SLC9C1: variants seen among roughly 807,000 people sequenced by gnomAD.
SLC9C1 encodes the protein solute carrier family 9 member C1.
Under a neutral mutation model 140.9 loss-of-function variants are expected in SLC9C1, and 97 were observed. The observed-to-expected ratio is 0.69, with a 90% CI of 0.58 to 0.82. The LOEUF (loss-of-function observed/expected upper bound fraction) is 0.82, where lower values mean the gene tolerates loss of function less well. Ranked by LOEUF, SLC9C1 falls within the 40% of genes least tolerant of loss-of-function variation. SLC9C1 has a pLI of 0.00. For missense variants in SLC9C1, 1,340 were observed against 1,389.3 expected (o/e 0.96, Z 0.56); for synonymous variants, 440 against 442.6 (o/e 0.99, Z 0.07).
At chr3:112,171,921 G>A (rs2077254715) in intron 23 of SLC9C1, among the ~76,000 whole-genome samples, 1 of 152,172 alleles carries the variant, frequency 6.6e-6, no homozygotes, top group Non-Finnish European at 1.5e-5. Flanking sequence ...GACTATGTAT[G>A]TGTGGATTTA....
intron 28 of SLC9C1, 40 bp from the exon 29 acceptor site, chr3:112,141,321 T>C: frequency 6.4e-7 from 1 of 1,563,150 alleles, no homozygotes; most frequent in Non-Finnish European, 8.6e-7. Flanking sequence ...CATAGAGGGC[T>C]TTTGAATCTT....
Position 112,232,151 on chromosome 3 carries a change from T to G in SLC9C1, c.1447-665A>C, listed in dbSNP as rs182147775. Among the ~76,000 whole-genome samples the G allele has an allele frequency of 3.9e-5, 6 of 152,336 alleles. No homozygotes were observed. In the East Asian group the frequency reaches 1.2e-3, roughly 29 times the overall value. On this transcript the variant is annotated intron_variant, in intron 12 of 28. Transcript: ENST00000305815. ...AAGGTTGGTGTTCTATCTTTAATAC[T>G]ATAATATCCCTCATGTTTGCATCAC...
At chr3:112,225,519 AC>A (rs2078659458) in intron 13 of SLC9C1, among the ~76,000 whole-genome samples, 1 of 138,734 alleles carries the variant, frequency 7.2e-6, no homozygotes, top group Non-Finnish European at 1.5e-5. Flanking sequence ...AGATAAACAA[AC>A]AAAAGGAAAT....
intron 16 of SLC9C1, among the ~76,000 whole-genome samples, chr3:112,205,559 G>T (rs1261038877): frequency 6.1e-5 from 5 of 81,996 alleles, no homozygotes; most frequent in Non-Finnish European, 1.3e-4. Flanking sequence ...CTACTTTAAA[G>T]TTCATATGGA....
chr3:112,249,960 C>T (rs1048763700), intron 10 of SLC9C1, among the ~76,000 whole-genome samples: 14 of 152,004 alleles, frequency 9.2e-5, no homozygotes, highest in South Asian at 4.2e-4. Flanking sequence ...ATGTGCACAA[C>T]GTGCAGGTTA....
chr3:112,269,846 G>T, intron 7 of SLC9C1, 70 bp downstream of exon 7: 1 of 1,331,332 alleles, frequency 7.5e-7, no homozygotes, highest in Non-Finnish European at 9.9e-7. Context: ...TGCCTGGTAT[G>T]CATTTTTCAT....
chr3:112,282,288 T>A (rs1576521207), intron 2 of SLC9C1, among the ~76,000 whole-genome samples: 1 of 152,336 alleles, frequency 6.6e-6, no homozygotes, highest in African/African-American at 2.4e-5. Context: ...GTTACCAAGA[T>A]ACAGAAATAG....
chr3:112,237,410 A>C (rs1436156494), intron 12 of SLC9C1, among the ~76,000 whole-genome samples: 1 of 152,156 alleles, frequency 6.6e-6, no homozygotes, highest in African/African-American at 2.4e-5. Flanking sequence ...CTTTTCATCC[A>C]ATTTGCCAGT....
At chr3:112,247,903 C>A (rs2079336811) in intron 10 of SLC9C1, among the ~76,000 whole-genome samples, 1 of 140,044 alleles carries the variant, frequency 7.1e-6, no homozygotes, top group African/African-American at 2.6e-5. Context: ...GTGTGTGTAT[C>A]TCACACGCTG....
rs1252330703 is a variant in SLC9C1 at position 112,182,335 on chromosome 3, C to G, written c.2524-77G>C. ...TGTTTAAGGCAGACAGGTCTTTGTA[C>G]TATTTCCTATTCTTGATCATTTGAC... On this transcript the variant is annotated intron_variant, in intron 20 of 28. Coordinates refer to ENST00000305815, the MANE Select transcript of SLC9C1 (RefSeq NM_183061.3). 4 of 1,391,392 alleles carry G rather than the reference C, an allele frequency of 2.9e-6. No homozygotes were observed. The South Asian group carries it at 5.3e-5, about 19-fold the overall frequency. The allele number at this position is 1,391,392 out of a possible 1,614,324, so 86.2% of individuals were successfully genotyped here. A position where few individuals can be genotyped will look rare whatever the true frequency, so the allele number is the denominator to read the frequency against.
At position 112,177,116 on chromosome 3, in the gene SLC9C1, C is replaced by T. The variant is rs78999266; in HGVS notation, c.2919+2415G>A. 4.4e-3 allele frequency among the ~76,000 whole-genome samples: 669 copies of T among 151,164 alleles called. 5 individuals are homozygous for T. Among genetic ancestry groups the T allele is most frequent in the African/African-American group, 0.014 (590 of 41,112 alleles). Reference sequence around the variant, plus strand: ...CTGCCTCCTGGGTTCAAGTGATTCTCCTGCCTCAGCCTTCTAAGTAGTTGG... The same window carrying T: ...CTGCCTCCTGGGTTCAAGTGATTCTTCTGCCTCAGCCTTCTAAGTAGTTGG... On this transcript the variant is annotated intron_variant, in intron 23 of 28. Transcript: ENST00000305815.
chr3:112,258,404 TTTTG>T (rs893640102), intron 10 of SLC9C1, among the ~76,000 whole-genome samples: 4 of 135,922 alleles, frequency 2.9e-5, no homozygotes, highest in Admixed American at 2.3e-4. Flanking sequence ...GGGTGGGTTT[TTTTG>T]TTTGTTTGTT....
intron 15 of SLC9C1, among the ~76,000 whole-genome samples, chr3:112,211,672 AT>A (rs2078210067): frequency 6.6e-6 from 1 of 152,158 alleles, no homozygotes; most frequent in South Asian, 2.1e-4. Flanking sequence ...GGCGCCCACC[AT>A]TGCTGAGGCT....
chr3:112,202,852 C>A (rs2077941559), intron 17 of SLC9C1, among the ~76,000 whole-genome samples: 1 of 152,058 alleles, frequency 6.6e-6, no homozygotes, highest in Non-Finnish European at 1.5e-5. Flanking sequence ...ATTAACTTCA[C>A]TTCTCTCTGT....
At chr3:112,239,220 T>G (rs544051214) in intron 12 of SLC9C1, among the ~76,000 whole-genome samples, 18 of 152,308 alleles carry the variant, frequency 1.2e-4, no homozygotes, top group African/African-American at 4.1e-4. Flanking sequence ...ATGCTAGCAA[T>G]GAGCTAGCTC....
intron 16 of SLC9C1, among the ~76,000 whole-genome samples, chr3:112,207,121 C>G (rs1346819311): frequency 6.6e-6 from 1 of 151,988 alleles, no homozygotes; most frequent in Non-Finnish European, 1.5e-5. Flanking sequence ...AGTCAAAATT[C>G]CTACTATTTT....
intron 10 of SLC9C1, among the ~76,000 whole-genome samples, chr3:112,246,015 C>A (rs894765341): frequency 2.0e-5 from 3 of 152,046 alleles, no homozygotes; most frequent in African/African-American, 7.2e-5. Flanking sequence ...CTAACTCTGC[C>A]AGGCAAGTTT....
chr3:112,187,590 A>G (rs2107980693), intron 20 of SLC9C1, among the ~76,000 whole-genome samples: 1 of 152,316 alleles, frequency 6.6e-6, no homozygotes, highest in South Asian at 2.1e-4. Flanking sequence ...AATTGTGGCA[A>G]CTGGGGGACT....
At chr3:112,290,148 C>T (rs1038096314) in intron 1 of SLC9C1, among the ~76,000 whole-genome samples, 1 of 152,158 alleles carries the variant, frequency 6.6e-6, no homozygotes, top group South Asian at 2.1e-4. Context: ...TCTTAACTTG[C>T]CCACTCTTAT....
Sources: allele counts gnomAD v4.1 joint callset (sites outside exome capture counted in the v4.1 genomes callset), GRCh38; gene constraint gnomAD v4.1.1; transcripts MANE v1.5; gene names NCBI Gene and HGNC (gene_info 2026-07-23, HGNC 2026-07-21).